The following LMX1A variants were observed in gnomAD, a reference collection of about 807,000 sequenced individuals.
The protein encoded by LMX1A is LIM homeobox transcription factor 1-alpha.
A neutral mutation model predicts 49.1 loss-of-function variants in LMX1A; 15 were observed. The observed-to-expected ratio is 0.31, with a 90% CI of 0.20 to 0.47. The LOEUF is 0.47. LMX1A is among the 20% of genes least tolerant of loss of function. The pLI is 1.00. For missense variants in LMX1A, 372 were observed against 475.8 expected, an observed-to-expected ratio of 0.78 and a Z score of 2.03; for synonymous variants, 167 against 185.7, an observed-to-expected ratio of 0.90 and a Z score of 0.82.
intron 3 of LMX1A, among the ~76,000 whole-genome samples, chr1:165,266,595 C>CTTTTTTTT (rs61551654): frequency 1.1e-3 from 91 of 79,172 alleles, no homozygotes; most frequent in African/African-American, 1.7e-3. Context: ...TTCTTTCTTT[C>CTTTTTTTT]TTTTTTTTTT....
rs111466533 is a variant in LMX1A at position 165,299,202 on chromosome 1, G to A, written c.264-49562C>T. Among the ~76,000 whole-genome samples, 399 of 152,304 alleles carry A rather than the reference G, an allele frequency of 2.6e-3. 4 individuals are homozygous for A. The highest frequency in any genetic ancestry group is 9.1e-3 in the African/African-American group (380 of 41,550). On this transcript the variant is annotated intron_variant, in intron 3 of 8. Transcript: ENST00000342310. Reference sequence around the variant, plus strand: ...AGAATGCTGTAATGGACATTTACACGTCAGTATAAATTTAAGCCATTACTT... The same window carrying A: ...AGAATGCTGTAATGGACATTTACACATCAGTATAAATTTAAGCCATTACTT...
At chr1:165,352,325 C>T (rs1369233249) in intron 3 of LMX1A, among the ~76,000 whole-genome samples, 1 of 152,216 alleles carries the variant, frequency 6.6e-6, no homozygotes, top group Non-Finnish European at 1.5e-5. Flanking sequence ...CAGGAGGGAA[C>T]TGAACTTGCT....
Position 165,203,422 on chromosome 1 carries a change from C to T in LMX1A, c.*458G>A, listed in dbSNP as rs1373376473. The T allele has an allele frequency of 1.3e-5, 2 of 153,226 alleles. No homozygotes were observed. Among genetic ancestry groups the T allele is most frequent in the African/African-American group, 4.8e-5 (2 of 41,460 alleles). The allele number at this position is 153,226 out of a possible 1,614,324, so 9.5% of individuals were successfully genotyped here. ...GTTACTTTTGCTGTACAGTTGGTGT[C>T]TGTTATAATTAGGAATAAACTTTGA... On this transcript the variant is annotated 3_prime_UTR_variant, in exon 9 of 9. Transcript: ENST00000342310.
chr1:165,213,738 T>C lies in LMX1A; in HGVS notation c.572A>G (p.Asp191Gly), dbSNP rs1304061404. ...AGKGTAEEGKDHKRPKRPRTI... is the reference protein window; with the variant it reads ...AGKGTAEEGKGHKRPKRPRTI... ...TCTCGGACGTTTGGGGCGCTTATGG[T>C]CCTTGCCTTCCTCAGCAGTTCCTTT... Residue 191 changes from aspartate (D) to glycine (G), a missense_variant, in exon 5 of 9, where the codon GAC becomes GGC. Physicochemically the swap from Asp to Gly is moderately conservative, Grantham distance 94. Around this residue, in one of 3 missense-constraint regions of LMX1A, gnomAD observed 199 missense variants for 244.0 expected, o/e 0.82. Transcript: ENST00000342310. 1 of 1,614,186 alleles carries C rather than the reference T, an allele frequency of 6.2e-7. No individual in the cohort carries two copies. The highest frequency in any genetic ancestry group is 2.2e-5 in the East Asian group (1 of 44,880).
rs1654976788 is a variant in LMX1A, at chr1:165,308,247, C to G, written c.263+44829G>C. Reference sequence around the variant, plus strand: ...CTGGACACCAAGGAACCACAGTTAGCCCTCTGAGAACCAGATGCCAGGGAG... The same window carrying G: ...CTGGACACCAAGGAACCACAGTTAGGCCTCTGAGAACCAGATGCCAGGGAG... On this transcript the variant is annotated intron_variant, in intron 3 of 8. Coordinates refer to ENST00000342310, the MANE Select transcript of LMX1A (RefSeq NM_177398.4). 1.3e-5 allele frequency among the ~76,000 whole-genome samples: 2 copies of G among 152,196 alleles called. 1 individual carries two copies. The highest frequency in any genetic ancestry group is 4.1e-4 in the South Asian group (2 of 4,826).
At chr1:165,224,956 T>A (rs966765297) in intron 4 of LMX1A, among the ~76,000 whole-genome samples, 11 of 152,176 alleles carry the variant, frequency 7.2e-5, no homozygotes, top group African/African-American at 2.7e-4. Flanking sequence ...CAGTTATGTT[T>A]CAATAGGAAG....
At chr1:165,264,215 A>T (rs568422488) in intron 3 of LMX1A, among the ~76,000 whole-genome samples, 36 of 152,150 alleles carry the variant, frequency 2.4e-4, no homozygotes, top group African/African-American at 7.2e-4. Context: ...CACAAAACTC[A>T]TGTGCAAGTC....
intron 3 of LMX1A, among the ~76,000 whole-genome samples, chr1:165,257,547 T>C (rs2102645271): frequency 6.6e-6 from 1 of 152,216 alleles, no homozygotes; most frequent in East Asian, 1.9e-4. Context: ...TAGGAACAAA[T>C]AGTGTGTGGG....
At chr1:165,294,531 C>A (rs10800080) in intron 3 of LMX1A, among the ~76,000 whole-genome samples, 86,594 of 152,130 alleles carry the variant, frequency 0.57, 25,275 homozygotes, top group Middle Eastern at 0.72. Context: ...ACCTCAAAAA[C>A]ATACAGATCA....
At chr1:165,208,018 G>A (rs1224609869) in intron 7 of LMX1A, 45 bp downstream of exon 7, 2 of 1,569,512 alleles carry the variant, frequency 1.3e-6, no homozygotes, top group South Asian at 2.3e-5. Context: ...GGTAGGAACA[G>A]CCTGGATTCC....
intron 3 of LMX1A, among the ~76,000 whole-genome samples, chr1:165,351,329 A>G (rs1656420956): frequency 6.6e-6 from 1 of 152,258 alleles, no homozygotes. Flanking sequence ...AAAGCTTTCG[A>G]TGAAAAGCGA....
chr1:165,304,948 G>A (rs1297010253), intron 3 of LMX1A, among the ~76,000 whole-genome samples: 6 of 152,152 alleles, frequency 3.9e-5, no homozygotes, highest in Non-Finnish European at 7.3e-5. Context: ...CAGGCTGGGT[G>A]CATCTACCTC....
chr1:165,333,765 C>A (rs778451881), intron 3 of LMX1A, among the ~76,000 whole-genome samples: 7 of 152,092 alleles, frequency 4.6e-5, no homozygotes, highest in Non-Finnish European at 1.0e-4. Flanking sequence ...CACGCACACA[C>A]ACACAATGAA....
At chr1:165,259,557 C>T (rs1207611946) in intron 3 of LMX1A, among the ~76,000 whole-genome samples, 2 of 152,180 alleles carry the variant, frequency 1.3e-5, no homozygotes, top group East Asian at 3.8e-4. Flanking sequence ...TGAGACATCC[C>T]TATCCTTGCC....
chr1:165,322,733 G>A (rs1261260170), intron 3 of LMX1A, among the ~76,000 whole-genome samples: 1 of 152,044 alleles, frequency 6.6e-6, no homozygotes, highest in Non-Finnish European at 1.5e-5. Context: ...AAATATTCTG[G>A]AATTAGATAA....
intron 3 of LMX1A, among the ~76,000 whole-genome samples, chr1:165,326,173 T>C (rs1655574341): frequency 6.6e-6 from 1 of 152,016 alleles, no homozygotes; most frequent in Non-Finnish European, 1.5e-5. Flanking sequence ...GAAATGATGA[T>C]TAAAGGAGCT....
intron 3 of LMX1A, among the ~76,000 whole-genome samples, chr1:165,250,882 G>A (rs1284665047): frequency 6.6e-6 from 1 of 152,138 alleles, no homozygotes; most frequent in Non-Finnish European, 1.5e-5. Flanking sequence ...AGGGGTGGGA[G>A]GAGGGACAGT....
intron 8 of LMX1A, among the ~76,000 whole-genome samples, chr1:165,205,461 T>C (rs1000179389): frequency 3.3e-5 from 5 of 152,234 alleles, no homozygotes; most frequent in African/African-American, 1.2e-4. Flanking sequence ...ATAGTCCAGT[T>C]AGAAAATTTG....
intron 3 of LMX1A, among the ~76,000 whole-genome samples, chr1:165,270,522 G>C (rs1653763317): frequency 6.6e-6 from 1 of 152,220 alleles, no homozygotes; most frequent in Non-Finnish European, 1.5e-5. Flanking sequence ...GAATGAGCAA[G>C]GGTGTAGAGG....
Sources: gnomAD v4.1 joint callset for allele counts (sites outside exome capture counted in the v4.1 genomes callset) on GRCh38, gnomAD v4.1.1 for gene constraint, gnomAD v4.1.1 regional missense constraint, MANE v1.5 for transcripts, NCBI Gene and HGNC (gene_info 2026-07-23, HGNC 2026-07-21) for gene names.